The following RIMS2 variants were observed in gnomAD, a reference collection of about 807,000 sequenced individuals.
RIMS2 encodes the protein regulating synaptic membrane exocytosis protein 2.
In RIMS2, 59 loss-of-function variants were observed where a neutral mutation model predicts 174.4. The observed-to-expected ratio is 0.34, with a 90% confidence interval of 0.27 to 0.42. The LOEUF is 0.42. RIMS2 is among the 10% of genes least tolerant of loss of function. RIMS2 has a pLI of 1.00. For synonymous variants in RIMS2, 606 were observed against 572.5 expected (o/e 1.06, Z -0.84); for missense variants, 1,620 against 1,666.3 (o/e 0.97, Z 0.48).
chr8:104,084,206 C>T (rs1598456302), intron 19 of RIMS2, among the ~76,000 whole-genome samples: 1 of 151,692 alleles, frequency 6.6e-6, no homozygotes, highest in Admixed American at 6.6e-5. Context: ...TTTGGGAGGC[C>T]GAGGCGGGTG....
intron 3 of RIMS2, among the ~76,000 whole-genome samples, chr8:103,863,944 T>C (rs1291504251): frequency 6.6e-6 from 1 of 151,676 alleles, no homozygotes; most frequent in Non-Finnish European, 1.5e-5. Context: ...AGTCTTGCTC[T>C]GTCGTCCAGG....
chr8:104,049,536 C>T (rs1190739235), intron 19 of RIMS2, among the ~76,000 whole-genome samples: 1 of 152,094 alleles, frequency 6.6e-6, no homozygotes, highest in Non-Finnish European at 1.5e-5. Flanking sequence ...CATGTTGGTA[C>T]AGGCAATAAA....
At chr8:103,561,877 A>G (rs2091645802) in intron 1 of RIMS2, among the ~76,000 whole-genome samples, 1 of 152,222 alleles carries the variant, frequency 6.6e-6, no homozygotes, top group African/African-American at 2.4e-5. Context: ...AGGCCTCACA[A>G]TCATGGCGGA....
chr8:103,660,355 A>G (rs1428314881), intron 1 of RIMS2, among the ~76,000 whole-genome samples: 2 of 152,186 alleles, frequency 1.3e-5, no homozygotes, highest in East Asian at 1.9e-4. Context: ...GCTTCCTGCT[A>G]TTCCTGCCTC....
At chr8:104,105,450 G>T (rs773482437) in intron 19 of RIMS2, among the ~76,000 whole-genome samples, 6 of 151,996 alleles carry the variant, frequency 3.9e-5, no homozygotes, top group Non-Finnish European at 8.8e-5. Context: ...TAGTGAAAAG[G>T]GTTCCACTTG....
intron 19 of RIMS2, among the ~76,000 whole-genome samples, chr8:104,207,659 C>A (rs1016676134): frequency 1.4e-4 from 21 of 151,626 alleles, no homozygotes; most frequent in Admixed American, 2.6e-4. Flanking sequence ...CACACACACA[C>A]AAAATTAGCT....
intron 19 of RIMS2, among the ~76,000 whole-genome samples, chr8:104,050,457 T>C (rs1322231886): frequency 6.6e-6 from 1 of 152,096 alleles, no homozygotes; most frequent in Admixed American, 6.6e-5. Context: ...GGAAGTCTTA[T>C]CTAAGGAGGT....
chr8:103,692,096 G>A (rs2097033348), intron 1 of RIMS2, among the ~76,000 whole-genome samples: 1 of 152,096 alleles, frequency 6.6e-6, no homozygotes, highest in East Asian at 1.9e-4. Flanking sequence ...CTGGGGTTGA[G>A]GAAGAGTGAC....
At chr8:103,940,255 G>A (rs575366544) in intron 13 of RIMS2, among the ~76,000 whole-genome samples, 48 of 152,284 alleles carry the variant, frequency 3.2e-4, no homozygotes, top group African/African-American at 1.1e-3. Context: ...TGGAAGGCAA[G>A]GAGGAGCAAG....
At chr8:103,582,036 TGAG>T (rs765867246) in intron 1 of RIMS2, among the ~76,000 whole-genome samples, 4 of 152,074 alleles carry the variant, frequency 2.6e-5, no homozygotes, top group South Asian at 2.1e-4. Flanking sequence ...TTCTTCCAAT[TGAG>T]GAGAGGAGAG....
At chr8:103,926,287 A>T (rs1321489075) in intron 10 of RIMS2, among the ~76,000 whole-genome samples, 6 of 151,552 alleles carry the variant, frequency 4.0e-5, no homozygotes, top group Admixed American at 2.0e-4. Context: ...TTCTCTATGA[A>T]TTTCATATAT....
At position 103,791,250 on chromosome 8, in the gene RIMS2, G is replaced by A. The variant is rs188127402; in HGVS notation, c.698+24713G>A. 1.3e-5 allele frequency among the ~76,000 whole-genome samples: 2 copies of A among 152,308 alleles called. 1 individual carries two copies. The highest frequency in any genetic ancestry group is 1.3e-4 in the Admixed American group (2 of 15,294). ...TGCAGAAACTTTAGAAGCCAGAAGAGAATAGGGGCCAATATTCAACATTCT... is the reference window on the plus strand; with the variant it reads ...TGCAGAAACTTTAGAAGCCAGAAGAAAATAGGGGCCAATATTCAACATTCT... On this transcript the variant is annotated intron_variant, in intron 3 of 23. Transcript: ENST00000504942.
At chr8:104,006,023 T>G (rs1038668242) in intron 17 of RIMS2, among the ~76,000 whole-genome samples, 2 of 152,064 alleles carry the variant, frequency 1.3e-5, no homozygotes, top group Admixed American at 1.3e-4. Context: ...TAACACACTT[T>G]CCCAACTGCT....
rs142746722 is a variant in RIMS2, at chr8:104,021,236, G to T, written c.3334+6621G>T. On this transcript the variant is annotated intron_variant, in intron 19 of 23. Transcript: ENST00000504942. ...ACTAAAATACAGTTTTTCTTACTGC[G>T]AAGTATTAATTATTCTTTAATGCAC... Among the ~76,000 whole-genome samples, 275 of 152,030 alleles carry T rather than the reference G, an allele frequency of 1.8e-3. 4 individuals carry two copies. The highest frequency in any genetic ancestry group is 0.01 in the Middle Eastern group (3 of 288).
chr8:103,537,420 A>C (rs894176014), intron 1 of RIMS2, among the ~76,000 whole-genome samples: 9 of 152,212 alleles, frequency 5.9e-5, no homozygotes, highest in Non-Finnish European at 1.0e-4. Flanking sequence ...TTATTCAGAG[A>C]TATTGTTAAG....
intron 3 of RIMS2, among the ~76,000 whole-genome samples, chr8:103,772,620 A>C (rs965680218): frequency 6.6e-6 from 1 of 152,168 alleles, no homozygotes; most frequent in Non-Finnish European, 1.5e-5. Context: ...GATAGATTCT[A>C]AAATTAAAAT....
chr8:104,248,739 A>G, exon 21 of RIMS2: 1 of 1,613,270 alleles, frequency 6.2e-7, no homozygotes, highest in Non-Finnish European at 8.5e-7. Context: ...TCTGATAGCC[A>G]GTTCAGTGAT....
At chr8:104,061,998 CA>C (rs1370408850) in intron 19 of RIMS2, among the ~76,000 whole-genome samples, 3 of 151,994 alleles carry the variant, frequency 2.0e-5, no homozygotes, top group Admixed American at 2.0e-4. Context: ...AAAATTTGAT[CA>C]AAATGATCAA....
chr8:104,251,577 A>G, intron 23 of RIMS2, 25 bp from the exon 30 acceptor site: 1 of 1,220,868 alleles, frequency 8.2e-7, no homozygotes, highest in South Asian at 1.2e-5. Context: ...CACTGACATC[A>G]CTCTACTTTT....
Sources: allele counts gnomAD v4.1 joint callset (sites outside exome capture counted in the v4.1 genomes callset), GRCh38; gene constraint gnomAD v4.1.1; transcripts MANE v1.5; gene names NCBI Gene and HGNC (gene_info 2026-07-23, HGNC 2026-07-21).